GRIA2: variants seen among roughly 807,000 people sequenced by gnomAD.
GRIA2 encodes glutamate ionotropic receptor AMPA type subunit 2.
Under a neutral mutation model 97.3 loss-of-function variants are expected in GRIA2, and 14 were observed. The ratio of observed to expected loss-of-function variants is 0.14; its 90% CI spans 0.10 to 0.23. The LOEUF (loss-of-function observed/expected upper bound fraction) is 0.23, where lower values mean the gene tolerates loss of function less well. Ranked by LOEUF, GRIA2 falls within the 10% of genes least tolerant of loss-of-function variation. The pLI is 1.00. For missense variants in GRIA2, 558 were observed against 1,069.8 expected (o/e 0.52, Z 6.67); for synonymous variants, 412 against 387.8 (o/e 1.06, Z -0.73).
intron 2 of GRIA2, among the ~76,000 whole-genome samples, chr4:157,247,992 A>G (rs1730806833): frequency 1.3e-5 from 2 of 152,082 alleles, no homozygotes; most frequent in South Asian, 4.1e-4. Flanking sequence ...TATAACAAGT[A>G]TAAACTCTGC....
intron 2 of GRIA2, among the ~76,000 whole-genome samples, chr4:157,226,810 T>C (rs1729766991): frequency 1.3e-5 from 2 of 152,114 alleles, no homozygotes; most frequent in South Asian, 4.1e-4. Flanking sequence ...TAGACTCAAG[T>C]TGGACTTTCT....
intron 2 of GRIA2, among the ~76,000 whole-genome samples, chr4:157,248,579 A>ACACG (rs1730851148): frequency 7.0e-6 from 1 of 143,754 alleles, no homozygotes; most frequent in African/African-American, 2.5e-5. Context: ...GTGTATATAT[A>ACACG]TACGTGTATA....
chr4:157,321,018 C>T (rs1007834464), intron 5 of GRIA2, among the ~76,000 whole-genome samples: 3 of 152,082 alleles, frequency 2.0e-5, no homozygotes, highest in African/African-American at 7.2e-5. Context: ...AGAAGTAATT[C>T]AAACAGGAGT....
chr4:157,304,128 C>G (rs1205980305), intron 3 of GRIA2, among the ~76,000 whole-genome samples: 1 of 152,148 alleles, frequency 6.6e-6, no homozygotes, highest in African/African-American at 2.4e-5. Context: ...AATGAAGTGG[C>G]TTGAGTACAT....
At chr4:157,248,638 C>CCTGTATATATATACGTATATATATACAA (rs1730871165) in intron 2 of GRIA2, among the ~76,000 whole-genome samples, 1 of 109,714 alleles carries the variant, frequency 9.1e-6, no homozygotes, top group Non-Finnish European at 1.9e-5. Flanking sequence ...TATATATACA[C>CCTGTATATATATACGTATATATATACAA]CTGTATATAT....
chr4:157,222,345 C>T (rs1183476742), intron 2 of GRIA2, among the ~76,000 whole-genome samples: 1 of 152,306 alleles, frequency 6.6e-6, no homozygotes, highest in African/African-American at 2.4e-5. Context: ...CCCTCGCGAG[C>T]TCCATGTTCT....
chr4:157,301,332 C>T (rs1190211046), intron 2 of GRIA2, among the ~76,000 whole-genome samples: 1 of 152,280 alleles, frequency 6.6e-6, no homozygotes, highest in African/African-American at 2.4e-5. Context: ...TTATTTTCAA[C>T]TCTGTACCCA....
chr4:157,361,692 A>G lies in GRIA2; in HGVS notation c.2406+568A>G. 1 of 1,393,720 alleles carries G rather than the reference A, an allele frequency of 7.2e-7. No homozygotes were observed. The highest frequency in any genetic ancestry group is 1.0e-6 in the Non-Finnish European group (1 of 980,936). 86.3% of individuals were successfully genotyped at this position (1,393,720 alleles called of 1,614,324 possible). A position where few individuals can be genotyped will look rare whatever the true frequency, so the allele number is the denominator to read the frequency against. ...GTTTTATGTGAAAAAACAAAATCAA[A>G]CACAAACAGCAAAATCAAACCACAA... On this transcript the variant is annotated intron_variant, in intron 14 of 15. Coordinates refer to ENST00000264426, the MANE Select transcript of GRIA2 (RefSeq NM_001083619.3). This position sits in a 1 kb window ranked among gnomAD's most constrained non-coding sequence, Gnocchi z 5.2.
chr4:157,284,752 A>T (rs576608901), intron 2 of GRIA2, among the ~76,000 whole-genome samples: 1 of 151,856 alleles, frequency 6.6e-6, no homozygotes, highest in Admixed American at 6.6e-5. Context: ...ACTCAAAGAT[A>T]TGTATTTAAA....
intron 3 of GRIA2, among the ~76,000 whole-genome samples, chr4:157,305,310 C>T (rs1287936005): frequency 1.3e-5 from 2 of 152,056 alleles, no homozygotes; most frequent in Non-Finnish European, 2.9e-5. Flanking sequence ...TCATCCTTGT[C>T]GTTGCCATTA....
chr4:157,224,004 A>T (rs535423553), intron 2 of GRIA2, among the ~76,000 whole-genome samples: 3 of 152,206 alleles, frequency 2.0e-5, no homozygotes, highest in Non-Finnish European at 4.4e-5. Flanking sequence ...GAATATGTGT[A>T]TATATTAAAC....
intron 2 of GRIA2, among the ~76,000 whole-genome samples, chr4:157,245,943 C>T (rs765916736): frequency 1.3e-5 from 2 of 152,042 alleles, no homozygotes; most frequent in Admixed American, 1.3e-4. Context: ...TCACAGAACA[C>T]GAATGTTTCC....
At chr4:157,241,939 G>C (rs1198197975) in intron 2 of GRIA2, among the ~76,000 whole-genome samples, 1 of 151,992 alleles carries the variant, frequency 6.6e-6, no homozygotes, top group Non-Finnish European at 1.5e-5. Context: ...TAAGTCATTT[G>C]GTTTGTGTGT....
chr4:157,360,629 C>T (rs1025567103), intron 13 of GRIA2: 22 of 447,612 alleles, frequency 4.9e-5, no homozygotes, highest in Non-Finnish European at 8.3e-5. Flanking sequence ...GGAAAATGCA[C>T]TTTGAATTTC....
chr4:157,277,890 G>GTATA (rs559433961), intron 2 of GRIA2, among the ~76,000 whole-genome samples: 9 of 75,714 alleles, frequency 1.2e-4, no homozygotes, highest in Admixed American at 1.0e-3. Context: ...ATGTATATAT[G>GTATA]TATATATATA....
chr4:157,312,942 T>C, intron 4 of GRIA2, 67 bp downstream of exon 4: 1 of 924,842 alleles, frequency 1.1e-6, no homozygotes. Flanking sequence ...GCATTTGCAA[T>C]GTGTATTTGT....
At chr4:157,225,539 G>T (rs1295612321) in intron 2 of GRIA2, among the ~76,000 whole-genome samples, 3 of 151,770 alleles carry the variant, frequency 2.0e-5, no homozygotes, top group Non-Finnish European at 4.4e-5. Context: ...TGGGTCCTAG[G>T]AATCCAATCA....
intron 3 of GRIA2, among the ~76,000 whole-genome samples, chr4:157,307,599 T>C (rs62331547): frequency 0.073 from 11,148 of 152,252 alleles, 524 homozygotes; most frequent in Non-Finnish European, 0.1. Flanking sequence ...GGGTTATCTA[T>C]GTTAATGCAT....
At chr4:157,304,687 T>TC (rs1733761945) in intron 3 of GRIA2, among the ~76,000 whole-genome samples, 1 of 152,086 alleles carries the variant, frequency 6.6e-6, no homozygotes, top group African/African-American at 2.4e-5. Flanking sequence ...ATACTGTGCT[T>TC]CCCTCAGCAG....
Sources: allele counts gnomAD v4.1 joint callset (sites outside exome capture counted in the v4.1 genomes callset), GRCh38; gene constraint gnomAD v4.1.1; non-coding constraint Gnocchi (gnomAD v3.1); transcripts MANE v1.5; gene names NCBI Gene and HGNC (gene_info 2026-07-23, HGNC 2026-07-21).